The following FBXO34 variants were observed in gnomAD, a reference collection of about 807,000 sequenced individuals.
FBXO34 encodes the protein F-box only protein 34.
FBXO34 carries 12 observed loss-of-function variants against 24.5 expected under a neutral mutation model. The observed-to-expected ratio is 0.49, with a 90% confidence interval of 0.31 to 0.79. The LOEUF (loss-of-function observed/expected upper bound fraction) is 0.79, where lower values mean the gene tolerates loss of function less well. Ranked by LOEUF, FBXO34 falls within the 30% of genes least tolerant of loss-of-function variation. The probability of loss-of-function intolerance (pLI) is 0.04; values close to 1 mark genes in which losing one functional copy is unlikely to be tolerated. For synonymous variants in FBXO34, 320 were observed against 311.9 expected (o/e 1.03, Z -0.27); for missense variants, 823 against 857.7 (o/e 0.96, Z 0.51).
At chr14:55,342,803 C>A (rs889890652) in intron 1 of FBXO34, among the ~76,000 whole-genome samples, 2 of 152,146 alleles carry the variant, frequency 1.3e-5, no homozygotes, top group African/African-American at 4.8e-5. Flanking sequence ...AAAAACTGAC[C>A]TAGTTTGAAA....
chr14:55,323,220 T>TAA (rs1883217148), intron 1 of FBXO34, among the ~76,000 whole-genome samples: 2 of 19,986 alleles, frequency 1.0e-4, no homozygotes, highest in Non-Finnish European at 7.2e-5. Context: ...AAAAAAAAAA[T>TAA]ATATATTTTT....
the FBXO34 span, among the ~76,000 whole-genome samples, chr14:55,408,909 G>T: frequency 6.6e-6 from 1 of 152,222 alleles, no homozygotes; most frequent in Non-Finnish European, 1.5e-5. Flanking sequence ...CAAATCACAT[G>T]AGGCTTCGTA....
chr14:55,409,085 C>A, the FBXO34 span, among the ~76,000 whole-genome samples: 1 of 152,136 alleles, frequency 6.6e-6, no homozygotes, highest in Non-Finnish European at 1.5e-5. Flanking sequence ...GAGATCACTA[C>A]GTAGTCAGGA....
the FBXO34 span, among the ~76,000 whole-genome samples, chr14:55,375,198 C>T: frequency 3.3e-5 from 5 of 152,202 alleles, no homozygotes; most frequent in African/African-American, 1.2e-4. Context: ...AATCATTTTA[C>T]ATATATTTTA....
the FBXO34 span, among the ~76,000 whole-genome samples, chr14:55,383,200 G>A: frequency 1.3e-5 from 2 of 152,102 alleles, no homozygotes; most frequent in Non-Finnish European, 2.9e-5. Flanking sequence ...GTATTCACAG[G>A]TTCCATGTCT....
At chr14:55,383,570 AAACAAC>A in the FBXO34 span, among the ~76,000 whole-genome samples, 10 of 151,730 alleles carry the variant, frequency 6.6e-5, no homozygotes, top group African/African-American at 1.9e-4. Context: ...CAAAAAAACA[AAACAAC>A]AACAACAACA....
downstream of FBXO34, chr14:55,369,701 G>A (rs770194612): frequency 1.7e-5 from 27 of 1,607,348 alleles, no homozygotes; most frequent in Admixed American, 1.8e-4. Context: ...ACTGCTGCTC[G>A]CGATGGGTGG....
the FBXO34 span, among the ~76,000 whole-genome samples, chr14:55,399,177 G>A: frequency 6.6e-6 from 1 of 152,126 alleles, no homozygotes; most frequent in South Asian, 2.1e-4. Flanking sequence ...AATAGTCACT[G>A]AAAATGCACA....
intron 1 of FBXO34, among the ~76,000 whole-genome samples, chr14:55,309,307 G>C (rs71412677): frequency 1.3e-5 from 2 of 152,126 alleles, no homozygotes; most frequent in African/African-American, 2.4e-5. Flanking sequence ...CAGGAGTGTG[G>C]CGGTGTGTGG....
At chr14:55,278,947 A>C (rs919960683) in intron 1 of FBXO34, among the ~76,000 whole-genome samples, 11 of 152,100 alleles carry the variant, frequency 7.2e-5, no homozygotes, top group African/African-American at 2.7e-4. Flanking sequence ...TTGGCCTCCC[A>C]AAATGCTGGG....
the FBXO34 span, among the ~76,000 whole-genome samples, chr14:55,431,732 C>T: frequency 5.3e-5 from 8 of 151,978 alleles, no homozygotes; most frequent in African/African-American, 1.5e-4. Flanking sequence ...ATCTGAGTAC[C>T]GACTGATCAT....
At chr14:55,429,766 CAAAAAAAAA>C in the FBXO34 span, among the ~76,000 whole-genome samples, 1 of 52,394 alleles carries the variant, frequency 1.9e-5, no homozygotes, top group African/African-American at 9.3e-5. Context: ...AACTCCGTCT[CAAAAAAAAA>C]AAAAAAAAAA....
chr14:55,367,362 C>G (rs746636983), exon 3 of FBXO34: 1 of 152,228 alleles, frequency 6.6e-6, no homozygotes, highest in South Asian at 2.1e-4. Context: ...TCACTCTCTA[C>G]GAACTCCAGA....
At chr14:55,402,129 A>T in the FBXO34 span, among the ~76,000 whole-genome samples, 4 of 152,142 alleles carry the variant, frequency 2.6e-5, no homozygotes, top group Non-Finnish European at 5.9e-5. Context: ...CAGACTATTA[A>T]TTCTGTGCTA....
the FBXO34 span, among the ~76,000 whole-genome samples, chr14:55,429,201 C>A: frequency 8.8e-3 from 1,343 of 152,304 alleles, 24 homozygotes; most frequent in African/African-American, 0.031. Context: ...TTTTTGTCTT[C>A]ATTTGTCACC....
downstream of FBXO34, among the ~76,000 whole-genome samples, chr14:55,354,195 AGT>A (rs1399165077): frequency 6.6e-6 from 1 of 152,076 alleles, no homozygotes; most frequent in Admixed American, 6.6e-5. Context: ...TTCCTTCAAG[AGT>A]GTTTTTCCTT....
chr14:55,386,218 A>G, the FBXO34 span: 1 of 799,768 alleles, frequency 1.3e-6, no homozygotes, highest in Non-Finnish European at 2.0e-6. Context: ...AAACCTGAAT[A>G]ATATAATGTT....
chr14:55,431,814 C>T, the FBXO34 span, among the ~76,000 whole-genome samples: 1 of 152,176 alleles, frequency 6.6e-6, no homozygotes, highest in African/African-American at 2.4e-5. Flanking sequence ...TAAATTCAGT[C>T]CCTCAGTTGT....
At chr14:55,385,079 G>A in the FBXO34 span, among the ~76,000 whole-genome samples, 2 of 152,172 alleles carry the variant, frequency 1.3e-5, no homozygotes, top group Non-Finnish European at 2.9e-5. Flanking sequence ...CGGTCACCAG[G>A]AAAAGGCTAA....
Sources: allele counts gnomAD v4.1 joint callset (sites outside exome capture counted in the v4.1 genomes callset), GRCh38; gene constraint gnomAD v4.1.1; transcripts MANE v1.5; gene names NCBI Gene and HGNC (gene_info 2026-07-23, HGNC 2026-07-21).